ABCC1: variants seen among roughly 807,000 people sequenced by gnomAD.
ABCC1 encodes multidrug resistance-associated protein 1.
ABCC1 carries 83 observed loss-of-function variants against 172.9 expected under a neutral mutation model. The ratio of observed to expected loss-of-function variants is 0.48; its 90% CI spans 0.40 to 0.58. The LOEUF is 0.58. ABCC1 is among the 20% of genes least tolerant of loss of function. ABCC1 has a pLI of 0.00. For synonymous variants in ABCC1, 937 were observed against 825.2 expected (o/e 1.14, Z -2.32); for missense variants, 1,817 against 2,002.7 (o/e 0.91, Z 1.77).
intron 21 of ABCC1, among the ~76,000 whole-genome samples, chr16:16,110,103 C>T (rs1336808864): frequency 2.1e-5 from 3 of 143,830 alleles, no homozygotes; most frequent in Non-Finnish European, 4.5e-5. Context: ...GGTTTAACTC[C>T]TTTTTTTTTT....
intron 9 of ABCC1, 91 bp from the exon 10 acceptor site, chr16:16,048,051 G>T: frequency 1.4e-6 from 2 of 1,475,748 alleles, no homozygotes; most frequent in African/African-American, 2.8e-5. Flanking sequence ...TTCTGCCCCT[G>T]AGAGTCTCCT....
At position 16,065,880 on chromosome 16, in the gene ABCC1, A is replaced by T. The variant is rs542799929; in HGVS notation, c.1678-2276A>T. The stretch of plus-strand genomic sequence containing the variant: ...GGCATGGGCTACCATGCCGATCGAA[A>T]TGTATTTTTTTAACGGAGGTATAAT... On this transcript the variant is annotated intron_variant, in intron 12 of 30. Transcript: ENST00000399410. Among the ~76,000 whole-genome samples the T allele has an allele frequency of 8.5e-5, 13 of 152,310 alleles. No individual in the cohort carries two copies. In the South Asian group the frequency reaches 2.7e-3, roughly 32 times the overall value.
At chr16:16,104,909 C>T (rs984975338) in intron 20 of ABCC1, among the ~76,000 whole-genome samples, 2 of 152,156 alleles carry the variant, frequency 1.3e-5, no homozygotes, top group African/African-American at 2.4e-5. Flanking sequence ...CGGGGCTGCC[C>T]GGCAGCTCTG....
At chr16:16,140,853 C>T (rs145215741) in intron 30 of ABCC1, among the ~76,000 whole-genome samples, 1 of 152,284 alleles carries the variant, frequency 6.6e-6, no homozygotes, top group Non-Finnish European at 1.5e-5. Flanking sequence ...TGTTGCCAAT[C>T]GTTATTGTAG....
chr16:16,071,591 G>T (rs1448851445), intron 13 of ABCC1, 51 bp from the exon 14 acceptor site: 3 of 1,557,088 alleles, frequency 1.9e-6, no homozygotes, highest in Non-Finnish European at 2.6e-6. Flanking sequence ...GGTTGGTTTT[G>T]CAAAAATGCT....
intron 19 of ABCC1, among the ~76,000 whole-genome samples, chr16:16,099,913 G>A (rs1032863946): frequency 3.3e-5 from 5 of 152,082 alleles, no homozygotes; most frequent in African/African-American, 7.2e-5. Context: ...GTGAAACCCC[G>A]TCTCTACTAG....
intron 22 of ABCC1, 148 bp downstream of exon 22, chr16:16,111,730 C>CA: frequency 2.9e-6 from 2 of 689,062 alleles, no homozygotes; most frequent in Non-Finnish European, 4.9e-6. Flanking sequence ...AGCTAGTAGA[C>CA]ACTCAGATAT....
chr16:16,071,009 CT>C (rs1307894078), intron 13 of ABCC1, among the ~76,000 whole-genome samples: 2 of 152,180 alleles, frequency 1.3e-5, no homozygotes, highest in Non-Finnish European at 2.9e-5. Context: ...TGAATTGGCT[CT>C]GTTGCATTTG....
chr16:15,959,116 C>G (rs215101), intron 1 of ABCC1, among the ~76,000 whole-genome samples: 28,307 of 151,916 alleles, frequency 0.19, 2,971 homozygotes, highest in East Asian at 0.33. Context: ...TGTGGGCTGT[C>G]GAAATTCTAG....
intron 17 of ABCC1, among the ~76,000 whole-genome samples, chr16:16,084,176 C>T (rs545160552): frequency 7.4e-4 from 113 of 152,248 alleles, no homozygotes; most frequent in Non-Finnish European, 1.1e-3. Flanking sequence ...GATCTCAGCT[C>T]ACTGCAACCT....
At chr16:16,115,598 C>T (rs894612688) in intron 23 of ABCC1, among the ~76,000 whole-genome samples, 2 of 152,094 alleles carry the variant, frequency 1.3e-5, no homozygotes, top group African/African-American at 2.4e-5. Context: ...CCACCCACCT[C>T]GACCTCCCCA....
chr16:16,028,370 C>T (rs1447176130), intron 5 of ABCC1, among the ~76,000 whole-genome samples: 1 of 152,140 alleles, frequency 6.6e-6, no homozygotes, highest in Admixed American at 6.6e-5. Flanking sequence ...CCGTCCGCGG[C>T]ACTTCACCCA....
At chr16:15,999,797 C>CTCTCTCTCTG (rs2047196184) in intron 1 of ABCC1, among the ~76,000 whole-genome samples, 1 of 32,498 alleles carries the variant, frequency 3.1e-5, no homozygotes, top group Non-Finnish European at 8.9e-5. Context: ...CTCTCTCTCT[C>CTCTCTCTCTG]TCTCTCTCTC....
At chr16:15,991,462 G>C (rs1008474078) in intron 1 of ABCC1, among the ~76,000 whole-genome samples, 3 of 152,124 alleles carry the variant, frequency 2.0e-5, no homozygotes, top group African/African-American at 7.2e-5. Flanking sequence ...GCGAGCTCAG[G>C]GTTGAGTGAA....
chr16:16,079,549 T>C, intron 16 of ABCC1, 71 bp downstream of exon 16: 6 of 1,543,890 alleles, frequency 3.9e-6, no homozygotes, highest in Non-Finnish European at 5.3e-6. Flanking sequence ...GAAATGATGG[T>C]GTTTCTTTTG....
intron 1 of ABCC1, among the ~76,000 whole-genome samples, chr16:15,995,713 G>C (rs1033166593): frequency 6.6e-6 from 1 of 152,126 alleles, no homozygotes; most frequent in African/African-American, 2.4e-5. Context: ...TTTCACCTAG[G>C]CTGGAGTTCG....
intron 13 of ABCC1, among the ~76,000 whole-genome samples, chr16:16,071,260 A>ATTTTTTTTT: frequency 7.7e-6 from 1 of 130,650 alleles, no homozygotes; most frequent in Non-Finnish European, 1.7e-5. Context: ...AATTTTATGT[A>ATTTTTTTTT]TTTTTTTTTT....
At chr16:16,007,775 G>A (rs781557104) in intron 1 of ABCC1, 41 bp from the exon 2 acceptor site, 2 of 1,574,360 alleles carry the variant, frequency 1.3e-6, no homozygotes, top group Non-Finnish European at 1.7e-6. Context: ...TGTCCTCTGG[G>A]GTGTGTCCTG....
chr16:16,054,918 C>T (rs925053859), intron 11 of ABCC1, among the ~76,000 whole-genome samples: 1 of 152,170 alleles, frequency 6.6e-6, no homozygotes, highest in African/African-American at 2.4e-5. Context: ...CTAGCCAGTA[C>T]AGAAACATTT....
Sources: allele counts gnomAD v4.1 joint callset (sites outside exome capture counted in the v4.1 genomes callset), GRCh38; gene constraint gnomAD v4.1.1; transcripts MANE v1.5; gene names NCBI Gene and HGNC (gene_info 2026-07-23, HGNC 2026-07-21).